The following KCNQ5 variants were observed in gnomAD, a reference collection of about 807,000 sequenced individuals.
KCNQ5 encodes potassium voltage-gated channel subfamily Q member 5.
Under a neutral mutation model 98.2 loss-of-function variants are expected in KCNQ5, and 30 were observed. The ratio of observed to expected loss-of-function variants is 0.31; its 90% CI spans 0.23 to 0.41. The LOEUF (loss-of-function observed/expected upper bound fraction) is 0.41, where lower values mean the gene tolerates loss of function less well. Ranked by LOEUF, KCNQ5 falls within the 10% of genes least tolerant of loss-of-function variation. The probability of loss-of-function intolerance (pLI) is 1.00; values close to 1 mark genes in which losing one functional copy is unlikely to be tolerated. For synonymous variants in KCNQ5, 458 were observed against 449.4 expected, an observed-to-expected ratio of 1.02 and a Z score of -0.24; for missense variants, 835 against 1,182.5, an observed-to-expected ratio of 0.71 and a Z score of 4.31.
At chr6:72,670,387 C>G (rs1329169043) in intron 1 of KCNQ5, among the ~76,000 whole-genome samples, 1 of 152,154 alleles carries the variant, frequency 6.6e-6, no homozygotes, top group African/African-American at 2.4e-5. Context: ...GCAATCTTAG[C>G]TTTTTCTAGC....
At chr6:72,743,956 C>A (rs1450766000) in intron 1 of KCNQ5, among the ~76,000 whole-genome samples, 1 of 152,208 alleles carries the variant, frequency 6.6e-6, no homozygotes, top group Non-Finnish European at 1.5e-5. Context: ...ATTTCTCCCT[C>A]ATGCTTCATG....
At chr6:72,994,245 G>A (rs1193415775) in intron 1 of KCNQ5, among the ~76,000 whole-genome samples, 1 of 72,338 alleles carries the variant, frequency 1.4e-5, no homozygotes, top group Non-Finnish European at 2.5e-5. Context: ...AATGGCGGGC[G>A]CCCCTCCCCC....
chr6:73,177,442 G>A (rs534021787), intron 11 of KCNQ5, among the ~76,000 whole-genome samples: 22 of 152,282 alleles, frequency 1.4e-4, no homozygotes, highest in Admixed American at 5.9e-4. Flanking sequence ...ACCCTGGGTT[G>A]GGTGATAAAG....
intron 1 of KCNQ5, among the ~76,000 whole-genome samples, chr6:72,705,560 AT>A (rs1030440435): frequency 4.0e-4 from 57 of 143,980 alleles, no homozygotes; most frequent in African/African-American, 1.2e-3. Context: ...TACTGTCCAA[AT>A]TTTTTTTTTG....
chr6:73,076,107 C>G (rs76839922), intron 3 of KCNQ5, among the ~76,000 whole-genome samples: 4 of 152,112 alleles, frequency 2.6e-5, no homozygotes, highest in African/African-American at 7.2e-5. Flanking sequence ...CTGACCCCCC[C>G]TCTCTCTCAA....
intron 1 of KCNQ5, among the ~76,000 whole-genome samples, chr6:72,738,476 TA>T (rs1428677618): frequency 6.6e-6 from 1 of 152,154 alleles, no homozygotes; most frequent in Non-Finnish European, 1.5e-5. Context: ...TTAGTATATC[TA>T]AAACAGTATG....
At chr6:72,982,487 C>CTTTTTTTTTTTTTTTTT (rs141947372) in intron 1 of KCNQ5, among the ~76,000 whole-genome samples, 1 of 60,258 alleles carries the variant, frequency 1.7e-5, no homozygotes, top group African/African-American at 7.3e-5. Flanking sequence ...GCAACCCCTG[C>CTTTTTTTTTTTTTTTTT]TTTTTTTTTT....
At chr6:73,140,494 A>AGCAG (rs1299505111) in intron 10 of KCNQ5, among the ~76,000 whole-genome samples, 1 of 152,248 alleles carries the variant, frequency 6.6e-6, no homozygotes. Context: ...TTCTTGTTAA[A>AGCAG]GCAGTATCCT....
intron 1 of KCNQ5, among the ~76,000 whole-genome samples, chr6:72,854,644 T>A (rs1209381921): frequency 6.6e-6 from 1 of 151,212 alleles, no homozygotes; most frequent in East Asian, 2.0e-4. Context: ...ATTCATCTTT[T>A]TTATAATGTC....
At chr6:72,658,408 G>A (rs1766306031) in intron 1 of KCNQ5, among the ~76,000 whole-genome samples, 1 of 150,254 alleles carries the variant, frequency 6.7e-6, no homozygotes, top group South Asian at 2.1e-4. Flanking sequence ...AGCCTCCCAA[G>A]TAGCTGGGAT....
chr6:72,965,641 T>C (rs1197124203), intron 1 of KCNQ5, among the ~76,000 whole-genome samples: 1 of 152,208 alleles, frequency 6.6e-6, no homozygotes, highest in Non-Finnish European at 1.5e-5. Context: ...TCAAACAATT[T>C]AGAGGAGAAA....
chr6:73,147,657 A>G (rs1383865480), intron 10 of KCNQ5, among the ~76,000 whole-genome samples: 3 of 152,188 alleles, frequency 2.0e-5, no homozygotes, highest in Non-Finnish European at 2.9e-5. Context: ...CAAATAATAG[A>G]AGTTTGGAAA....
intron 1 of KCNQ5, among the ~76,000 whole-genome samples, chr6:72,907,674 A>C (rs904307224): frequency 1.3e-5 from 2 of 152,130 alleles, no homozygotes; most frequent in Non-Finnish European, 2.9e-5. Context: ...TATACCTTAT[A>C]TTTTTATTAA....
At chr6:72,835,039 C>G (rs1463125483) in intron 1 of KCNQ5, among the ~76,000 whole-genome samples, 1 of 151,998 alleles carries the variant, frequency 6.6e-6, no homozygotes, top group East Asian at 1.9e-4. Context: ...TGTGAAACCC[C>G]CAAACTCAGG....
chr6:72,811,444 T>C (rs1247423448), intron 1 of KCNQ5, among the ~76,000 whole-genome samples: 2 of 152,150 alleles, frequency 1.3e-5, no homozygotes, highest in Non-Finnish European at 2.9e-5. Flanking sequence ...AGAATCATAA[T>C]TTATTATAAT....
chr6:73,116,222 G>A (rs1417340362), intron 7 of KCNQ5, among the ~76,000 whole-genome samples: 1 of 152,180 alleles, frequency 6.6e-6, no homozygotes, highest in East Asian at 1.9e-4. Context: ...ACTTAGCTAA[G>A]AATTGTGATA....
At chr6:72,737,473 T>C (rs1221407046) in intron 1 of KCNQ5, among the ~76,000 whole-genome samples, 1 of 152,138 alleles carries the variant, frequency 6.6e-6, no homozygotes, top group Non-Finnish European at 1.5e-5. Flanking sequence ...AGGTGATTTT[T>C]TTTTTTCTCT....
chr6:72,821,660 C>T lies in KCNQ5; in HGVS notation c.399-182248C>T, dbSNP rs376501002. On this transcript the variant is annotated intron_variant, in intron 1 of 13. Transcript: ENST00000370398. ...TAATGTATTAGAGTTTTCTCTACTT[C>T]TGGTAATTTCTGACATTACAAGTCT... Among the ~76,000 whole-genome samples, 7 of 151,380 alleles carry T rather than the reference C, an allele frequency of 4.6e-5. No homozygotes were observed. The South Asian group carries it at 1.5e-3, about 32-fold the overall frequency.
chr6:72,863,651 C>T (rs191902904), intron 1 of KCNQ5, among the ~76,000 whole-genome samples: 5 of 152,252 alleles, frequency 3.3e-5, no homozygotes, highest in African/African-American at 9.6e-5. Flanking sequence ...TAGACCCAAA[C>T]AAGATTGGTC....
Sources: gnomAD v4.1 joint callset for allele counts (sites outside exome capture counted in the v4.1 genomes callset) on GRCh38, gnomAD v4.1.1 for gene constraint, MANE v1.5 for transcripts, NCBI Gene and HGNC (gene_info 2026-07-23, HGNC 2026-07-21) for gene names.